Variants in SGCZ observed in about 807,000 individuals in gnomAD.
SGCZ encodes the protein sarcoglycan zeta.
SGCZ carries 40 observed loss-of-function variants against 41.3 expected under a neutral mutation model. The observed-to-expected ratio is 0.97, with a 90% CI of 0.75 to 1.26. The LOEUF (loss-of-function observed/expected upper bound fraction) is 1.26, where lower values mean the gene tolerates loss of function less well. Ranked by LOEUF, SGCZ falls within the 50% of genes most tolerant of loss-of-function variation. SGCZ has a pLI of 0.00. For synonymous variants in SGCZ, 206 were observed against 137.5 expected (o/e 1.50, Z -3.49); for missense variants, 552 against 369.8 (o/e 1.49, Z -4.04).
Position 14,767,837 on chromosome 8 carries a change from T to A in SGCZ, c.40-212911A>T, listed in dbSNP as rs143283080. The stretch of plus-strand genomic sequence containing the variant: ...ACTTCTTAAGGGCAGAGACTCAATT[T>A]AATTCATATTTAGATTCTTCCTCAC... On this transcript the variant is annotated intron_variant, in intron 1 of 7. Transcript: ENST00000382080. 1.2e-3 allele frequency among the ~76,000 whole-genome samples: 179 copies of A among 152,272 alleles called. 2 individuals carry two copies. Among genetic ancestry groups the A allele is most frequent in the Admixed American group, 0.011 (167 of 15,282 alleles).
chr8:14,927,950 C>G (rs1799807132), intron 1 of SGCZ, among the ~76,000 whole-genome samples: 1 of 152,114 alleles, frequency 6.6e-6, no homozygotes, highest in African/African-American at 2.4e-5. Flanking sequence ...ATCCCAAGAA[C>G]CTGGATGTCA....
At chr8:15,181,513 T>A (rs1800179615) in intron 1 of SGCZ, among the ~76,000 whole-genome samples, 1 of 152,178 alleles carries the variant, frequency 6.6e-6, no homozygotes, top group Admixed American at 6.5e-5. Flanking sequence ...AGATACAAAT[T>A]TGTTCTGTGT....
At chr8:14,341,239 G>T (rs980360511) in intron 2 of SGCZ, among the ~76,000 whole-genome samples, 2 of 152,156 alleles carry the variant, frequency 1.3e-5, no homozygotes, top group Admixed American at 1.3e-4. Context: ...TATGAACAGG[G>T]TGTACAAATA....
chr8:14,710,154 C>A (rs1809466854), intron 1 of SGCZ, among the ~76,000 whole-genome samples: 1 of 151,850 alleles, frequency 6.6e-6, no homozygotes, highest in African/African-American at 2.4e-5. Context: ...ATCACGAGGT[C>A]AGGAGATCGA....
chr8:14,407,436 T>C (rs1799242558), intron 2 of SGCZ, among the ~76,000 whole-genome samples: 1 of 152,120 alleles, frequency 6.6e-6, no homozygotes, highest in Non-Finnish European at 1.5e-5. Flanking sequence ...CATCCACCTA[T>C]GTGTTGGGTG....
At chr8:14,564,837 G>T (rs148173387) in intron 1 of SGCZ, among the ~76,000 whole-genome samples, 3 of 152,238 alleles carry the variant, frequency 2.0e-5, no homozygotes, top group African/African-American at 7.2e-5. Flanking sequence ...ATACAGTAAA[G>T]CCTACTTACC....
intron 1 of SGCZ, among the ~76,000 whole-genome samples, chr8:14,653,043 CA>C (rs1459812355): frequency 1.3e-5 from 2 of 151,900 alleles, no homozygotes; most frequent in Non-Finnish European, 2.9e-5. Flanking sequence ...TTATTGCCAG[CA>C]AAAAAAGCAC....
chr8:14,292,844 T>G (rs888859087), intron 3 of SGCZ, among the ~76,000 whole-genome samples: 1 of 152,040 alleles, frequency 6.6e-6, no homozygotes, highest in East Asian at 1.9e-4. Flanking sequence ...TTACATAGAG[T>G]AATCCCTCTG....
At chr8:15,098,919 G>A (rs1443887012) in intron 1 of SGCZ, among the ~76,000 whole-genome samples, 1 of 152,136 alleles carries the variant, frequency 6.6e-6, no homozygotes, top group African/African-American at 2.4e-5. Flanking sequence ...TTAGCCGGGG[G>A]TGGTGGTGGG....
intron 5 of SGCZ, among the ~76,000 whole-genome samples, chr8:14,131,318 G>A (rs28578859): frequency 6.6e-6 from 1 of 152,280 alleles, no homozygotes; most frequent in East Asian, 1.9e-4. Flanking sequence ...AACCAAAAGG[G>A]ACTTCTTGTA....
In SGCZ at chr8:14,868,469, G is replaced by C. The variant is rs142727550; in HGVS notation, c.40-313543C>G. On this transcript the variant is annotated intron_variant, in intron 1 of 7. Transcript: ENST00000382080. ...TATGAAACCATGAACTTCTGTATCT[G>C]TTTCATTTTTGTGTTATGAATAGAG... 2.8e-3 allele frequency among the ~76,000 whole-genome samples: 420 copies of C among 152,144 alleles called. 2 individuals are homozygous for C. Among genetic ancestry groups the C allele is most frequent in the African/African-American group, 9.7e-3 (402 of 41,524 alleles).
At chr8:14,925,716 A>G (rs536064708) in intron 1 of SGCZ, among the ~76,000 whole-genome samples, 3 of 152,334 alleles carry the variant, frequency 2.0e-5, no homozygotes, top group East Asian at 3.9e-4. Flanking sequence ...AATACTTTCA[A>G]TTTCCAGGGT....
chr8:14,246,555 C>T (rs1482363743), intron 3 of SGCZ, among the ~76,000 whole-genome samples: 1 of 151,242 alleles, frequency 6.6e-6, no homozygotes, highest in African/African-American at 2.4e-5. Flanking sequence ...ATGTAACTAA[C>T]CTGCACATTG....
At chr8:14,283,217 ACTAT>A (rs981693329) in intron 3 of SGCZ, among the ~76,000 whole-genome samples, 4 of 152,090 alleles carry the variant, frequency 2.6e-5, no homozygotes, top group African/African-American at 9.7e-5. Context: ...ATCTTAAATG[ACTAT>A]CTAGCTCATA....
intron 1 of SGCZ, chr8:14,853,494 CCTT>C (rs1563316533): frequency 7.5e-6 from 4 of 532,944 alleles, no homozygotes; most frequent in South Asian, 5.6e-5. Flanking sequence ...GCCACAATCA[CCTT>C]CTGATCTGAG....
At chr8:14,092,514 C>A (rs184069754) in intron 7 of SGCZ, among the ~76,000 whole-genome samples, 3 of 151,954 alleles carry the variant, frequency 2.0e-5, no homozygotes, top group East Asian at 2.0e-4. Flanking sequence ...CCCACCCAAA[C>A]CTCATCTTGA....
At position 14,104,414 on chromosome 8, in the gene SGCZ, A is replaced by G. The variant is rs1802138073; in HGVS notation, c.621-1915T>C. Among the ~76,000 whole-genome samples, 3 of 122,134 alleles carry G rather than the reference A, an allele frequency of 2.5e-5. No individual in the cohort carries two copies. The Admixed American group carries it at 2.6e-4, about 11-fold the overall frequency. The allele number at this position is 122,134 out of a possible 152,430, so 80.1% of individuals were successfully genotyped here. On this transcript the variant is annotated intron_variant, in intron 6 of 7. Coordinates refer to ENST00000382080, the MANE Select transcript of SGCZ (RefSeq NM_139167.4). The stretch of plus-strand genomic sequence containing the variant: ...AACAAGATACAGTTTTTAAGGTGTT[A>G]TGCAACTATCAAATTAAAAAAAAAA...
chr8:15,099,835 G>A (rs984425995), intron 1 of SGCZ, among the ~76,000 whole-genome samples: 1 of 151,846 alleles, frequency 6.6e-6, no homozygotes, highest in African/African-American at 2.4e-5. Flanking sequence ...ACATTAACAG[G>A]CTAAAGAGGA....
intron 3 of SGCZ, among the ~76,000 whole-genome samples, chr8:14,315,994 C>T (rs540753272): frequency 7.2e-5 from 11 of 151,766 alleles, no homozygotes; most frequent in Non-Finnish European, 1.3e-4. Context: ...AAAGCGAGTT[C>T]TGTTGATTTA....
Sources: allele counts gnomAD v4.1 joint callset (sites outside exome capture counted in the v4.1 genomes callset), GRCh38; gene constraint gnomAD v4.1.1; transcripts MANE v1.5; gene names NCBI Gene and HGNC (gene_info 2026-07-23, HGNC 2026-07-21).